The following LMO7 variants were observed in gnomAD, a reference collection of about 807,000 sequenced individuals.
LMO7 encodes LIM domain only protein 7.
LMO7 carries 120 observed loss-of-function variants against 206.5 expected under a neutral mutation model. That is an observed-to-expected ratio of 0.58 (90% CI 0.50 to 0.68). The LOEUF (loss-of-function observed/expected upper bound fraction) is 0.68. LMO7 is among the 30% of genes least tolerant of loss of function. The probability of loss-of-function intolerance (pLI) is 0.00; values close to 1 mark genes in which losing one functional copy is unlikely to be tolerated. For synonymous variants in LMO7, 706 were observed against 681.5 expected, an observed-to-expected ratio of 1.04 and a Z score of -0.56; for missense variants, 1,959 against 1,957.9, an observed-to-expected ratio of 1.00 and a Z score of -0.01.
At position 75,808,167 on chromosome 13, in the gene LMO7, A is replaced by G. The variant is rs1190888142; in HGVS notation, c.1884A>G (p.Arg628=). ...GGGAGGCCATCCGGGAGGCCAGCAG[A>G]CTTAGGCACAAGAAAAGGCTGATGG... is the stretch of plus-strand genomic sequence containing the variant. ...KRWEAIREAS[R]LRHKKRLMVE... is the part of the protein sequence containing the mutation. The change falls in exon 10 of 31, where the codon AGA becomes AGG. Residue 628 remains arginine (R), a synonymous_variant. Coordinates refer to ENST00000377534, the MANE Select transcript of LMO7 (RefSeq NM_001306080.2). The G allele has an allele frequency of 1.2e-6, 2 of 1,613,208 alleles. No homozygotes were observed. The highest frequency in any genetic ancestry group is 1.7e-6 in the Non-Finnish European group (2 of 1,179,498).
intron 1 of LMO7, among the ~76,000 whole-genome samples, chr13:75,665,583 A>G (rs1293033051): frequency 2.0e-5 from 3 of 151,706 alleles, no homozygotes; most frequent in African/African-American, 7.3e-5. Flanking sequence ...CTGGAGTGCA[A>G]TGGCGCGATC....
Position 75,835,233 on chromosome 13 carries a change from G to C in LMO7, c.3227G>C (p.Gly1076Ala). The C allele has an allele frequency of 6.2e-7, 1 of 1,611,970 alleles. No individual in the cohort carries two copies. The highest frequency in any genetic ancestry group is 8.5e-7 in the Non-Finnish European group (1 of 1,178,932). Reference protein sequence around the residue: ...VMDVRRYGKAGSPETKWIDAT... With the variant: ...VMDVRRYGKAASPETKWIDAT... Reference sequence around the variant, plus strand: ...ACCAGTATGGCTACCAAAATTATAGGTTCACCTGAAACAAAGTGGATTGAT... The same window carrying C: ...ACCAGTATGGCTACCAAAATTATAGCTTCACCTGAAACAAAGTGGATTGAT... The change falls in exon 18 of 31, where the codon GGT becomes GCT. Residue 1076 changes from glycine to alanine, a missense_variant and splice_region_variant. Physicochemically the swap from Gly to Ala is moderately conservative, Grantham distance 60. Coordinates refer to ENST00000377534, the MANE Select transcript of LMO7 (RefSeq NM_001306080.2).
chr13:75,742,986 C>T (rs9600541), intron 3 of LMO7, among the ~76,000 whole-genome samples: 2,161 of 152,204 alleles, frequency 0.014, 50 homozygotes, highest in African/African-American at 0.047. Flanking sequence ...TGACAAAGAT[C>T]TAATATTCAG....
chr13:75,641,678 A>G (rs891270731), intron 1 of LMO7, among the ~76,000 whole-genome samples: 1 of 152,238 alleles, frequency 6.6e-6, no homozygotes, highest in African/African-American at 2.4e-5. Context: ...TTTCTGAGAC[A>G]GGAACTCACT....
intron 1 of LMO7, among the ~76,000 whole-genome samples, chr13:75,663,432 C>CTTTTTTTTTTTTTTTTTT (rs1178254643): frequency 9.0e-6 from 1 of 111,408 alleles, no homozygotes; most frequent in Admixed American, 1.1e-4. Flanking sequence ...TTCTTTCTTT[C>CTTTTTTTTTTTTTTTTTT]TTTTTTTTTT....
At chr13:75,736,795 T>C (rs903956663) in intron 3 of LMO7, among the ~76,000 whole-genome samples, 2 of 152,204 alleles carry the variant, frequency 1.3e-5, no homozygotes, top group Non-Finnish European at 1.5e-5. Flanking sequence ...TTAGAAGCCT[T>C]AGTTGACACT....
chr13:75,708,135 C>A (rs769624859), intron 1 of LMO7, among the ~76,000 whole-genome samples: 1 of 152,104 alleles, frequency 6.6e-6, no homozygotes, highest in Non-Finnish European at 1.5e-5. Flanking sequence ...GTTTAACCAC[C>A]CTCAAGAACT....
chr13:75,732,631 A>G (rs1261518201), intron 3 of LMO7, among the ~76,000 whole-genome samples: 2 of 152,174 alleles, frequency 1.3e-5, no homozygotes, highest in Admixed American at 1.3e-4. Context: ...AACTCGTCAA[A>G]GTCATTCTCT....
chr13:75,688,052 C>T (rs746906066), intron 1 of LMO7, among the ~76,000 whole-genome samples: 13 of 152,132 alleles, frequency 8.5e-5, no homozygotes, highest in Admixed American at 1.3e-4. Flanking sequence ...CCTGCCGCCA[C>T]GTAAGATGTG....
intron 1 of LMO7, among the ~76,000 whole-genome samples, chr13:75,653,368 A>C (rs147381941): frequency 1.3e-5 from 2 of 152,184 alleles, no homozygotes; most frequent in African/African-American, 4.8e-5. Context: ...ATTGCTTCCA[A>C]TGATGTCCAT....
At chr13:75,640,683 G>A (rs2036450510) in intron 1 of LMO7, among the ~76,000 whole-genome samples, 1 of 152,158 alleles carries the variant, frequency 6.6e-6, no homozygotes, top group African/African-American at 2.4e-5. Context: ...CATGGTGCCT[G>A]CTAAATGCTT....
upstream of LMO7, among the ~76,000 whole-genome samples, chr13:75,632,825 A>G (rs2035117921): frequency 6.7e-6 from 1 of 148,812 alleles, no homozygotes; most frequent in African/African-American, 2.5e-5. Context: ...CACTTATAAC[A>G]TCTAGCACAT....
intron 3 of LMO7, among the ~76,000 whole-genome samples, chr13:75,730,266 T>C (rs2045008590): frequency 1.3e-5 from 2 of 152,188 alleles, no homozygotes; most frequent in Admixed American, 1.3e-4. Flanking sequence ...CCTGGACTCT[T>C]TTTGGTTGGT....
At chr13:75,708,118 A>G (rs1398066384) in intron 1 of LMO7, among the ~76,000 whole-genome samples, 3 of 152,218 alleles carry the variant, frequency 2.0e-5, no homozygotes, top group Non-Finnish European at 4.4e-5. Context: ...GAGGTTTGGC[A>G]TGTACTGTTT....
At chr13:75,662,440 T>C (rs1484117521) in intron 1 of LMO7, among the ~76,000 whole-genome samples, 2 of 152,180 alleles carry the variant, frequency 1.3e-5, no homozygotes, top group Non-Finnish European at 2.9e-5. Context: ...CACCTCAGCC[T>C]CCAGAGTAGC....
At chr13:75,719,694 T>C (rs902206220) in intron 2 of LMO7, among the ~76,000 whole-genome samples, 1 of 152,216 alleles carries the variant, frequency 6.6e-6, no homozygotes, top group Non-Finnish European at 1.5e-5. Context: ...CTCCCAGTCA[T>C]GCCTCCTGTT....
At chr13:75,791,015 C>T (rs1024426230) in intron 4 of LMO7, among the ~76,000 whole-genome samples, 2 of 146,940 alleles carry the variant, frequency 1.4e-5, no homozygotes, top group South Asian at 2.1e-4. Flanking sequence ...CTTGCTCTGT[C>T]GCCCAGGCTG....
chr13:75,696,160 G>T (rs979240436), intron 1 of LMO7, among the ~76,000 whole-genome samples: 1 of 152,154 alleles, frequency 6.6e-6, no homozygotes, highest in African/African-American at 2.4e-5. Context: ...ATTGAGACCA[G>T]CCTGGCCAAT....
At chr13:75,641,482 A>T (rs1189435752) in intron 1 of LMO7, among the ~76,000 whole-genome samples, 1 of 152,232 alleles carries the variant, frequency 6.6e-6, no homozygotes, top group East Asian at 1.9e-4. Context: ...CCCAATCAAG[A>T]TACAGAATGC....
Sources: allele counts gnomAD v4.1 joint callset (sites outside exome capture counted in the v4.1 genomes callset), GRCh38; gene constraint gnomAD v4.1.1; transcripts MANE v1.5; gene names NCBI Gene and HGNC (gene_info 2026-07-23, HGNC 2026-07-21).